CADPS2: variants seen among roughly 807,000 people sequenced by gnomAD.
CADPS2 encodes the protein calcium-dependent secretion activator 2.
CADPS2 carries 93 observed loss-of-function variants against 172.5 expected under a neutral mutation model. The observed-to-expected ratio is 0.54, with a 90% confidence interval of 0.46 to 0.64. The LOEUF (loss-of-function observed/expected upper bound fraction) is 0.64, where lower values mean the gene tolerates loss of function less well. Among genes scored for constraint, CADPS2 ranks in the 30% least tolerant of loss-of-function variants. The pLI is 0.00. For synonymous variants in CADPS2, 546 were observed against 555.2 expected (o/e 0.98, Z 0.23); for missense variants, 1,420 against 1,565.9 (o/e 0.91, Z 1.57).
At chr7:122,406,072 C>G (rs2046603820) in intron 20 of CADPS2, among the ~76,000 whole-genome samples, 1 of 152,136 alleles carries the variant, frequency 6.6e-6, no homozygotes, top group South Asian at 2.1e-4. Context: ...ATGATGCCTC[C>G]CTTACTAGAA....
intron 1 of CADPS2, among the ~76,000 whole-genome samples, chr7:122,858,111 T>TGATGGGTCCATTTTACAGAGTGCC (rs1815827297): frequency 6.6e-6 from 1 of 152,170 alleles, no homozygotes; most frequent in Non-Finnish European, 1.5e-5. Context: ...CACATCCTTC[T>TGATGGGTCCATTTTACAGAGTGCC]GATGGGTCCA....
chr7:122,734,905 C>T (rs895608936), intron 2 of CADPS2, among the ~76,000 whole-genome samples: 6 of 152,028 alleles, frequency 3.9e-5, no homozygotes, highest in Non-Finnish European at 2.9e-5. Context: ...GCTGGAAATA[C>T]GAACAGAAGT....
intron 6 of CADPS2, among the ~76,000 whole-genome samples, chr7:122,584,679 G>A (rs1043189568): frequency 2.0e-5 from 3 of 151,896 alleles, no homozygotes; most frequent in Non-Finnish European, 4.4e-5. Flanking sequence ...TTCCGGGCAA[G>A]CATTTGTGAC....
At chr7:122,516,649 C>T (rs1726332225) in intron 8 of CADPS2, among the ~76,000 whole-genome samples, 1 of 151,820 alleles carries the variant, frequency 6.6e-6, no homozygotes, top group Non-Finnish European at 1.5e-5. Context: ...AATAATTTTG[C>T]CATTAAAAGT....
At chr7:122,365,032 T>C (rs537272382) in intron 25 of CADPS2, among the ~76,000 whole-genome samples, 77 of 152,306 alleles carry the variant, frequency 5.1e-4, no homozygotes, top group African/African-American at 1.8e-3. Flanking sequence ...ATAGAGTGGC[T>C]AAAATGACTC....
intron 1 of CADPS2, among the ~76,000 whole-genome samples, chr7:122,836,637 G>C (rs554577362): frequency 2.6e-5 from 4 of 152,132 alleles, no homozygotes; most frequent in East Asian, 3.9e-4. Flanking sequence ...CCTAGTCTCT[G>C]ATAAAACAGA....
intron 1 of CADPS2, among the ~76,000 whole-genome samples, chr7:122,751,903 T>C (rs531533416): frequency 6.6e-6 from 1 of 152,292 alleles, no homozygotes; most frequent in African/African-American, 2.4e-5. Context: ...TACTGACAGA[T>C]ATAGGGCCAG....
At chr7:122,394,423 G>A (rs1254557795) in intron 20 of CADPS2, among the ~76,000 whole-genome samples, 1 of 152,090 alleles carries the variant, frequency 6.6e-6, no homozygotes, top group African/African-American at 2.4e-5. Context: ...ATTTAACAAA[G>A]ACTTTATTTT....
chr7:122,320,405 A>T, intron 29 of CADPS2, 67 bp from the exon 30 acceptor site: 1 of 1,251,132 alleles, frequency 8.0e-7, no homozygotes, highest in Non-Finnish European at 1.1e-6. Context: ...ATATATACTC[A>T]GTTGGCATTT....
rs117049257 is a variant in CADPS2 at position 122,530,938 on chromosome 7, A to T, written c.1476-17623T>A. ...AGATGCTGGATTGATTGTGAATGGG[A>T]AAGTGTTCACATGTATAGAATGCCA... On this transcript the variant is annotated intron_variant, in intron 8 of 29. Transcript: ENST00000449022. Among the ~76,000 whole-genome samples, 1,030 of 152,266 alleles carry T rather than the reference A, an allele frequency of 6.8e-3. 3 individuals carry two copies. Among genetic ancestry groups the T allele is most frequent in the Non-Finnish European group, 0.012 (790 of 68,004 alleles).
chr7:122,550,554 A>G (rs1035560301), intron 8 of CADPS2, among the ~76,000 whole-genome samples: 1 of 152,164 alleles, frequency 6.6e-6, no homozygotes, highest in Admixed American at 6.5e-5. Flanking sequence ...TTTTTCAGTT[A>G]TAGATTTAAT....
At chr7:122,443,982 TC>T (rs1015550725) in intron 15 of CADPS2, among the ~76,000 whole-genome samples, 1 of 152,072 alleles carries the variant, frequency 6.6e-6, no homozygotes, top group African/African-American at 2.4e-5. Context: ...CTGCAAGTCT[TC>T]CCCCCAGATC....
At chr7:122,364,413 T>TAA (rs916412439) in intron 25 of CADPS2, among the ~76,000 whole-genome samples, 14,858 of 77,660 alleles carry the variant, frequency 0.19, 1,561 homozygotes, top group Non-Finnish European at 0.24. Flanking sequence ...TGTCTCAAGT[T>TAA]AAAAAAAAAA....
intron 2 of CADPS2, among the ~76,000 whole-genome samples, chr7:122,663,933 G>A (rs2080892764): frequency 6.6e-6 from 1 of 152,070 alleles, no homozygotes; most frequent in Middle Eastern, 3.2e-3. Flanking sequence ...CACCACATGT[G>A]TTCAGAGTGA....
At chr7:122,494,091 A>ATGTG (rs2058539640) in intron 9 of CADPS2, among the ~76,000 whole-genome samples, 1 of 152,186 alleles carries the variant, frequency 6.6e-6, no homozygotes, top group Admixed American at 6.5e-5. Flanking sequence ...TATCGTCGAT[A>ATGTG]TGTGGGTGGG....
At chr7:122,850,789 G>C (rs1022159435) in intron 1 of CADPS2, among the ~76,000 whole-genome samples, 3 of 152,156 alleles carry the variant, frequency 2.0e-5, no homozygotes, top group Non-Finnish European at 2.9e-5. Flanking sequence ...ATTACACCTT[G>C]ATCAAAATAA....
intron 28 of CADPS2, among the ~76,000 whole-genome samples, chr7:122,338,224 C>T (rs1223154124): frequency 2.0e-5 from 3 of 152,156 alleles, no homozygotes; most frequent in Non-Finnish European, 4.4e-5. Context: ...TGGTGAAACC[C>T]TGTCTCCACT....
intron 2 of CADPS2, among the ~76,000 whole-genome samples, chr7:122,711,057 G>A (rs73719750): frequency 0.044 from 6,699 of 152,044 alleles, 498 homozygotes; most frequent in African/African-American, 0.15. Flanking sequence ...TTTAAAGAAA[G>A]AGAACAGGCA....
chr7:122,396,781 G>A (rs1431103137), intron 20 of CADPS2, among the ~76,000 whole-genome samples: 2 of 152,140 alleles, frequency 1.3e-5, no homozygotes, highest in Non-Finnish European at 2.9e-5. Flanking sequence ...TGTCATACAA[G>A]TGGTCTTCTC....
Sources: gnomAD v4.1 joint callset for allele counts (sites outside exome capture counted in the v4.1 genomes callset) on GRCh38, gnomAD v4.1.1 for gene constraint, MANE v1.5 for transcripts, NCBI Gene and HGNC (gene_info 2026-07-23, HGNC 2026-07-21) for gene names.